Variants in PATJ observed in about 807,000 individuals in gnomAD.
PATJ encodes inaD-like protein.
A neutral mutation model predicts 224.9 loss-of-function variants in PATJ; 190 were observed. The observed-to-expected ratio is 0.84, with a 90% CI of 0.75 to 0.95. The LOEUF (loss-of-function observed/expected upper bound fraction) is 0.95. Ranked by LOEUF, PATJ falls within the 40% of genes least tolerant of loss-of-function variation. The probability of loss-of-function intolerance (pLI) is 0.00; values close to 1 mark genes in which losing one functional copy is unlikely to be tolerated. For synonymous variants in PATJ, 769 were observed against 820.3 expected (o/e 0.94, Z 1.07); for missense variants, 2,121 against 2,270.3 (o/e 0.93, Z 1.34).
At chr1:61,832,374 ACTAG>A (rs1249384597) in intron 16 of PATJ, among the ~76,000 whole-genome samples, 2 of 152,212 alleles carry the variant, frequency 1.3e-5, no homozygotes, top group Admixed American at 6.5e-5. Context: ...AATTTTTTAA[ACTAG>A]CTATTTTCCT....
At chr1:61,862,948 T>C (rs1664843004) in intron 19 of PATJ, among the ~76,000 whole-genome samples, 1 of 151,620 alleles carries the variant, frequency 6.6e-6, no homozygotes. Context: ...ATTTTAAAAA[T>C]TTCATAACCA....
intron 27 of PATJ, among the ~76,000 whole-genome samples, chr1:61,944,228 A>G (rs551189849): frequency 2.6e-5 from 4 of 152,210 alleles, no homozygotes; most frequent in Non-Finnish European, 5.9e-5. Flanking sequence ...AATGACTTTG[A>G]CGAATTGAGA....
At chr1:62,014,461 C>T (rs1190164626) in intron 28 of PATJ, among the ~76,000 whole-genome samples, 1 of 151,588 alleles carries the variant, frequency 6.6e-6, no homozygotes, top group African/African-American at 2.4e-5. Context: ...ACTAGACATA[C>T]TATTTTAAAA....
intron 17 of PATJ, among the ~76,000 whole-genome samples, chr1:61,842,144 AG>A (rs1045068787): frequency 3.3e-5 from 5 of 152,118 alleles, no homozygotes; most frequent in African/African-American, 1.2e-4. Context: ...CAAAAACCTC[AG>A]TGCAGCAAGA....
chr1:61,807,422 C>A (rs1158740542), intron 13 of PATJ, among the ~76,000 whole-genome samples: 2 of 152,166 alleles, frequency 1.3e-5, no homozygotes, highest in Non-Finnish European at 2.9e-5. Context: ...AGTGATCCAC[C>A]CTGCTTGGCC....
chr1:61,888,582 A>T (rs188934704), intron 22 of PATJ, among the ~76,000 whole-genome samples: 181 of 152,216 alleles, frequency 1.2e-3, no homozygotes, highest in Admixed American at 1.5e-3. Flanking sequence ...TTGTTTTTTA[A>T]ATTTCTCTTT....
chr1:61,883,486 A>G (rs185196839), intron 21 of PATJ, among the ~76,000 whole-genome samples: 44 of 152,256 alleles, frequency 2.9e-4, no homozygotes, highest in Admixed American at 7.9e-4. Context: ...GTGGCAGCTC[A>G]CGCCTGTAAT....
chr1:62,135,297 C>T (rs182143131), intron 41 of PATJ, among the ~76,000 whole-genome samples: 1 of 152,036 alleles, frequency 6.6e-6, no homozygotes, highest in Non-Finnish European at 1.5e-5. Context: ...TGGGGGGGAT[C>T]GCTTCAGGTC....
intron 17 of PATJ, among the ~76,000 whole-genome samples, chr1:61,843,983 C>T (rs978633411): frequency 6.6e-6 from 1 of 152,140 alleles, no homozygotes; most frequent in Non-Finnish European, 1.5e-5. Context: ...TTGTTCTAGG[C>T]ATTGGGGAGC....
intron 17 of PATJ, among the ~76,000 whole-genome samples, chr1:61,849,158 G>A (rs1662424491): frequency 6.6e-6 from 1 of 152,196 alleles, no homozygotes; most frequent in South Asian, 2.1e-4. Context: ...TTCTATTTCA[G>A]AGTTGATTGA....
chr1:61,828,645 A>ACTCAAGCAATCCTCCCACCTCAC, intron 16 of PATJ, among the ~76,000 whole-genome samples: 1 of 151,198 alleles, frequency 6.6e-6, no homozygotes, highest in African/African-American at 2.4e-5. Flanking sequence ...TCCCACCTCA[A>ACTCAAGCAATCCTCCCACCTCAC]CCCCCCAAAA....
At chr1:61,904,845 A>C (rs1473781779) in intron 24 of PATJ, among the ~76,000 whole-genome samples, 1 of 152,230 alleles carries the variant, frequency 6.6e-6, no homozygotes, top group Admixed American at 6.5e-5. Context: ...AAATGCAATT[A>C]TGCATTATGT....
In PATJ at chr1:62,098,877, AT is replaced by A. The variant is rs1199479092; in HGVS notation, c.4378-9552del. 8.6e-5 allele frequency among the ~76,000 whole-genome samples: 13 copies of A among 151,972 alleles called. No individual in the cohort carries two copies. In the South Asian group the frequency reaches 1.2e-3, roughly 15 times the overall value. ...GTTCTAAAACATTCAAATTTTTTTT[AT>A]TTTTTTTAATTCTACTCTGTTAACT... On this transcript the variant is annotated intron_variant, in intron 33 of 43. Coordinates refer to ENST00000642238, the MANE Select transcript of PATJ (RefSeq NM_001350145.3).
chr1:61,980,900 G>A (rs1391581042), intron 27 of PATJ, among the ~76,000 whole-genome samples: 1 of 152,036 alleles, frequency 6.6e-6, no homozygotes, highest in Non-Finnish European at 1.5e-5. Flanking sequence ...GAAAAACCAA[G>A]TCAGTTTCAA....
chr1:62,075,939 A>G (rs1658229909), intron 31 of PATJ, among the ~76,000 whole-genome samples: 1 of 151,914 alleles, frequency 6.6e-6, no homozygotes, highest in Non-Finnish European at 1.5e-5. Flanking sequence ...AAAAGAAAAG[A>G]AAAACACTGA....
intron 29 of PATJ, among the ~76,000 whole-genome samples, chr1:62,027,622 A>G (rs1042711334): frequency 3.5e-5 from 5 of 143,148 alleles, no homozygotes; most frequent in Non-Finnish European, 7.5e-5. Context: ...AACCTTGCCA[A>G]CATTCCTTTT....
intron 3 of PATJ, among the ~76,000 whole-genome samples, chr1:61,765,298 A>G (rs1479371121): frequency 6.8e-6 from 1 of 147,296 alleles, no homozygotes; most frequent in Non-Finnish European, 1.5e-5. Flanking sequence ...CTGGTCTTGA[A>G]CTCCTGGCCC....
chr1:61,825,283 A>G (rs1658037715), intron 15 of PATJ, among the ~76,000 whole-genome samples: 1 of 152,172 alleles, frequency 6.6e-6, no homozygotes, highest in Admixed American at 6.5e-5. Context: ...ACACTTGTGC[A>G]ATGTTCTGTA....
chr1:61,907,227 C>T (rs550707802), intron 24 of PATJ, among the ~76,000 whole-genome samples: 37 of 152,264 alleles, frequency 2.4e-4, no homozygotes, highest in African/African-American at 8.4e-4. Context: ...TTTATAGCAG[C>T]GTGAGAACAA....
Sources: allele counts gnomAD v4.1 joint callset (sites outside exome capture counted in the v4.1 genomes callset), GRCh38; gene constraint gnomAD v4.1.1; transcripts MANE v1.5; gene names NCBI Gene and HGNC (gene_info 2026-07-23, HGNC 2026-07-21).